PLD5: variants seen among roughly 807,000 people sequenced by gnomAD.
PLD5 encodes inactive phospholipase D5.
PLD5 carries 36 observed loss-of-function variants against 61.1 expected under a neutral mutation model. The observed-to-expected ratio is 0.59, with a 90% CI of 0.45 to 0.78. PLD5 has a LOEUF of 0.78. Ranked by LOEUF, PLD5 falls within the 30% of genes least tolerant of loss-of-function variation. PLD5 has a pLI of 0.00. For synonymous variants in PLD5, 243 were observed against 242.8 expected (o/e 1.00, Z -0.01); for missense variants, 515 against 644.4 (o/e 0.80, Z 2.17).
chr1:242,297,298 C>A lies in PLD5; in HGVS notation c.327-8768G>T, dbSNP rs184940322. ...GGCCGAGGTTGCAGTGAGCCAAGAG[C>A]GTGACACTGCACTCCAGCCCGGGTG... is the stretch of plus-strand genomic sequence containing the variant. On this transcript the variant is annotated intron_variant, in intron 2 of 9. Transcript: ENST00000536534. Among the ~76,000 whole-genome samples, 12 of 132,612 alleles carry A rather than the reference C, an allele frequency of 9.0e-5. No individual in the cohort carries two copies. In the East Asian group the frequency reaches 1.9e-3, roughly 21 times the overall value. 87.0% of individuals were successfully genotyped at this position (132,612 alleles called of 152,430 possible). A position where few individuals can be genotyped will look rare whatever the true frequency, so the allele number is the denominator to read the frequency against.
At chr1:242,294,382 C>T (rs1675533505) in intron 2 of PLD5, among the ~76,000 whole-genome samples, 1 of 152,088 alleles carries the variant, frequency 6.6e-6, no homozygotes, top group African/African-American at 2.4e-5. Context: ...TTTCACTTTC[C>T]ATCCAGGAAC....
intron 5 of PLD5, among the ~76,000 whole-genome samples, chr1:242,215,233 A>G (rs1670102757): frequency 6.6e-6 from 1 of 151,950 alleles, no homozygotes; most frequent in Non-Finnish European, 1.5e-5. Flanking sequence ...GGCCCACAAA[A>G]ATTAAAACTG....
chr1:242,436,315 C>A (rs1362823433), intron 1 of PLD5, among the ~76,000 whole-genome samples: 1 of 152,166 alleles, frequency 6.6e-6, no homozygotes, highest in African/African-American at 2.4e-5. Flanking sequence ...AAGGCAATCA[C>A]ATCATTCTTT....
At chr1:242,175,314 T>G (rs1484813622) in intron 5 of PLD5, among the ~76,000 whole-genome samples, 1 of 152,182 alleles carries the variant, frequency 6.6e-6, no homozygotes, top group Admixed American at 6.5e-5. Flanking sequence ...AATCAATAAA[T>G]GTAATCCATC....
At chr1:242,206,021 A>G (rs1273684084) in intron 5 of PLD5, among the ~76,000 whole-genome samples, 2 of 152,210 alleles carry the variant, frequency 1.3e-5, no homozygotes, top group Admixed American at 6.5e-5. Flanking sequence ...TGTGACTCTC[A>G]TCGGCGTCCC....
At chr1:242,272,093 T>G (rs1379879890) in intron 3 of PLD5, among the ~76,000 whole-genome samples, 1 of 152,184 alleles carries the variant, frequency 6.6e-6, no homozygotes, top group Non-Finnish European at 1.5e-5. Flanking sequence ...AATGCTGATC[T>G]ACAATCAACA....
chr1:242,215,481 G>T (rs781094861), intron 5 of PLD5, among the ~76,000 whole-genome samples: 1 of 152,048 alleles, frequency 6.6e-6, no homozygotes, highest in Non-Finnish European at 1.5e-5. Flanking sequence ...GACACATTTC[G>T]ATCAGCTGTA....
At chr1:242,311,428 C>T (rs1259223997) in intron 2 of PLD5, among the ~76,000 whole-genome samples, 1 of 152,162 alleles carries the variant, frequency 6.6e-6, no homozygotes, top group Admixed American at 6.5e-5. Flanking sequence ...TTTTTACTTC[C>T]ACTTCTGACC....
chr1:242,094,268 CT>C lies in PLD5; in HGVS notation c.1355-4159del, dbSNP rs575196257. On this transcript the variant is annotated intron_variant, in intron 9 of 9. Transcript: ENST00000536534. ...GGAAGGTGCATGGGCCTTCAGGGGA[CT>C]TTTGAGTGCCTTCCATCCACCCGCT... 4.8e-3 allele frequency among the ~76,000 whole-genome samples: 730 copies of C among 152,218 alleles called. 2 individuals are homozygous for C. The highest frequency in any genetic ancestry group is 7.4e-3 in the Non-Finnish European group (503 of 68,012).
chr1:242,438,821 T>C (rs773085900), intron 1 of PLD5, among the ~76,000 whole-genome samples: 2 of 152,194 alleles, frequency 1.3e-5, no homozygotes, highest in African/African-American at 2.4e-5. Context: ...AATTTTCCTG[T>C]ATCCTCCTTT....
intron 1 of PLD5, among the ~76,000 whole-genome samples, chr1:242,455,258 G>A (rs144551003): frequency 1.8e-4 from 27 of 152,322 alleles, no homozygotes; most frequent in African/African-American, 6.0e-4. Context: ...TAATCCAGAT[G>A]CAAATTCTAA....
intron 1 of PLD5, among the ~76,000 whole-genome samples, chr1:242,374,416 A>T (rs1198784456): frequency 6.6e-6 from 1 of 152,180 alleles, no homozygotes; most frequent in East Asian, 1.9e-4. Context: ...TCAGAAAACA[A>T]TATCTCTAAA....
chr1:242,145,317 G>A (rs947542815), intron 5 of PLD5, among the ~76,000 whole-genome samples: 1 of 152,140 alleles, frequency 6.6e-6, no homozygotes, highest in Non-Finnish European at 1.5e-5. Context: ...AGGAAGAATA[G>A]GTAGGCTCTT....
intron 4 of PLD5, among the ~76,000 whole-genome samples, chr1:242,234,905 C>T (rs907728200): frequency 2.0e-5 from 3 of 151,168 alleles, no homozygotes; most frequent in Non-Finnish European, 4.4e-5. Flanking sequence ...ACTTGAGGGC[C>T]CTGACATCCG....
intron 1 of PLD5, among the ~76,000 whole-genome samples, chr1:242,398,603 A>G (rs1663740051): frequency 6.6e-6 from 1 of 152,180 alleles, no homozygotes; most frequent in African/African-American, 2.4e-5. Flanking sequence ...AGTGGAAAAA[A>G]ACAGACTTGG....
At chr1:242,512,499 C>T (rs541400746) in intron 1 of PLD5, among the ~76,000 whole-genome samples, 1 of 152,038 alleles carries the variant, frequency 6.6e-6, no homozygotes, top group East Asian at 1.9e-4. Flanking sequence ...ATCAAGTGCA[C>T]TCAGCCACAG....
At chr1:242,455,968 G>A (rs1305980990) in intron 1 of PLD5, among the ~76,000 whole-genome samples, 2 of 152,248 alleles carry the variant, frequency 1.3e-5, no homozygotes, top group Non-Finnish European at 2.9e-5. Flanking sequence ...CCAGGGCAGA[G>A]ACCTAGGAGT....
chr1:242,275,621 G>A (rs553624217), intron 3 of PLD5, among the ~76,000 whole-genome samples: 1 of 152,298 alleles, frequency 6.6e-6, no homozygotes, highest in African/African-American at 2.4e-5. Flanking sequence ...GTAGATGACA[G>A]ATAAGCAAAT....
chr1:242,371,230 TAA>T (rs1287403005), intron 1 of PLD5, among the ~76,000 whole-genome samples: 3 of 152,126 alleles, frequency 2.0e-5, no homozygotes, highest in Admixed American at 6.6e-5. Flanking sequence ...CACACTTTTA[TAA>T]GAGTGCACTG....
Sources: allele counts gnomAD v4.1 joint callset (sites outside exome capture counted in the v4.1 genomes callset), GRCh38; gene constraint gnomAD v4.1.1; transcripts MANE v1.5; gene names NCBI Gene and HGNC (gene_info 2026-07-23, HGNC 2026-07-21).